The following FTCDNL1 variants were observed in gnomAD, a reference collection of about 807,000 sequenced individuals.
The protein encoded by FTCDNL1 is formiminotransferase cyclodeaminase N-terminal like, also known as formiminotransferase N-terminal subdomain-containing protein.
In FTCDNL1, 11 loss-of-function variants were observed where a neutral mutation model predicts 5.9. That is an observed-to-expected ratio of 1.87 (90% CI 1.18 to 3.10). The LOEUF (loss-of-function observed/expected upper bound fraction) is 3.10, where lower values mean the gene tolerates loss of function less well. Among genes scored for constraint, FTCDNL1 ranks in the 30% most tolerant of loss-of-function variants. FTCDNL1 has a pLI of 0.00. For synonymous variants in FTCDNL1, 58 were observed against 24.8 expected (o/e 2.34, Z -3.99); for missense variants, 115 against 65.5 (o/e 1.76, Z -2.61).
intron 3 of FTCDNL1, among the ~76,000 whole-genome samples, chr2:199,803,205 A>G (rs1038742244): frequency 2.6e-5 from 4 of 151,466 alleles, no homozygotes; most frequent in Middle Eastern, 3.2e-3. Context: ...AAAAAAAAAA[A>G]AAAAAAAGAC....
At chr2:199,760,206 T>TG (rs765484908), downstream of FTCDNL1, among the ~76,000 whole-genome samples, 3 of 131,272 alleles carry the variant, frequency 2.3e-5, no homozygotes, top group East Asian at 6.5e-4. Context: ...AAATCAGAAC[T>TG]AAAAAAAAAA....
chr2:199,664,078 C>A, the FTCDNL1 span, among the ~76,000 whole-genome samples: 1 of 150,606 alleles, frequency 6.6e-6, no homozygotes, highest in South Asian at 2.1e-4. Context: ...AACAAGCCCC[C>A]AGAGCATTAA....
chr2:199,818,403 G>A (rs576234528), intron 4 of FTCDNL1: 2 of 152,136 alleles, frequency 1.3e-5, no homozygotes, highest in South Asian at 4.2e-4. Context: ...TCTTCATAGG[G>A]AAGAAAAAAA....
chr2:199,771,945 G>T (rs563504595), intron 3 of FTCDNL1, among the ~76,000 whole-genome samples: 1 of 152,310 alleles, frequency 6.6e-6, no homozygotes, highest in Non-Finnish European at 1.5e-5. Context: ...CCATGATAAA[G>T]TTTAATTTAT....
chr2:199,701,338 A>C, the FTCDNL1 span, among the ~76,000 whole-genome samples: 8 of 55,242 alleles, frequency 1.4e-4, no homozygotes, highest in African/African-American at 3.9e-4. Context: ...AAAAAAAAAA[A>C]AAAAAAAAAA....
chr2:199,801,582 G>A (rs1454074372), intron 3 of FTCDNL1, among the ~76,000 whole-genome samples: 1 of 152,110 alleles, frequency 6.6e-6, no homozygotes, highest in Non-Finnish European at 1.5e-5. Flanking sequence ...CTTGAGCCTG[G>A]GGATGGAGGT....
At chr2:199,707,246 T>C in the FTCDNL1 span, among the ~76,000 whole-genome samples, 34 of 152,216 alleles carry the variant, frequency 2.2e-4, 1 homozygote, top group African/African-American at 8.2e-4. Context: ...TTATATGTTA[T>C]TAGTAGTTCT....
At chr2:199,676,123 A>G in the FTCDNL1 span, among the ~76,000 whole-genome samples, 1 of 152,176 alleles carries the variant, frequency 6.6e-6, no homozygotes, top group Non-Finnish European at 1.5e-5. Context: ...TAACTCAGTC[A>G]CATATAGCAC....
At chr2:199,731,754 G>A in the FTCDNL1 span, among the ~76,000 whole-genome samples, 1 of 151,584 alleles carries the variant, frequency 6.6e-6, no homozygotes, top group South Asian at 2.1e-4. Context: ...CGGGCGTAGT[G>A]GCGGGCGCCT....
chr2:199,747,764 C>T, the FTCDNL1 span, among the ~76,000 whole-genome samples: 1 of 152,154 alleles, frequency 6.6e-6, no homozygotes, highest in East Asian at 1.9e-4. Flanking sequence ...CAAGAAGTCT[C>T]CATTTTCCAG....
intron 3 of FTCDNL1, among the ~76,000 whole-genome samples, chr2:199,799,225 G>A (rs538362838): frequency 1.3e-5 from 2 of 152,166 alleles, no homozygotes; most frequent in East Asian, 1.9e-4. Flanking sequence ...CTTGGCAATC[G>A]TAAAGCTGAG....
chr2:199,758,929 A>G (rs559152769), downstream of FTCDNL1, among the ~76,000 whole-genome samples: 68 of 152,372 alleles, frequency 4.5e-4, no homozygotes, highest in Non-Finnish European at 1.5e-4. Flanking sequence ...GGCTTACCAT[A>G]TTACAAAAAA....
the FTCDNL1 span, among the ~76,000 whole-genome samples, chr2:199,733,075 G>A: frequency 2.8e-4 from 42 of 152,226 alleles, no homozygotes; most frequent in Middle Eastern, 3.4e-3. Context: ...ACTATTAGAG[G>A]GAAGAACAGA....
At chr2:199,787,718 TG>T (rs1350086040) in intron 3 of FTCDNL1, among the ~76,000 whole-genome samples, 2 of 152,100 alleles carry the variant, frequency 1.3e-5, no homozygotes, top group East Asian at 1.9e-4. Context: ...TGACATTATA[TG>T]GGGGAAAAAA....
At chr2:199,793,763 G>A (rs1574526439) in intron 3 of FTCDNL1, among the ~76,000 whole-genome samples, 3 of 152,082 alleles carry the variant, frequency 2.0e-5, no homozygotes, top group South Asian at 2.1e-4. Flanking sequence ...CCCAGGCCAC[G>A]ACCTAAGACC....
chr2:199,678,982 T>C, the FTCDNL1 span, among the ~76,000 whole-genome samples: 1 of 152,168 alleles, frequency 6.6e-6, no homozygotes, highest in Non-Finnish European at 1.5e-5. Flanking sequence ...TTAAAGATTC[T>C]TGATACACAC....
At chr2:199,802,836 C>G (rs1700525814) in intron 3 of FTCDNL1, among the ~76,000 whole-genome samples, 1 of 152,010 alleles carries the variant, frequency 6.6e-6, no homozygotes, top group African/African-American at 2.4e-5. Context: ...CGCTGACAGT[C>G]CAGGGGAGGA....
the FTCDNL1 span, among the ~76,000 whole-genome samples, chr2:199,685,219 G>C: frequency 6.6e-6 from 1 of 152,074 alleles, no homozygotes; most frequent in Non-Finnish European, 1.5e-5. Context: ...CTGAGACAAG[G>C]GGAAACAGCA....
the FTCDNL1 span, among the ~76,000 whole-genome samples, chr2:199,711,053 A>C: frequency 6.6e-6 from 1 of 152,118 alleles, no homozygotes; most frequent in Admixed American, 6.6e-5. Context: ...TACATGTCAC[A>C]TTAAGAAATA....
Sources: allele counts gnomAD v4.1 joint callset (sites outside exome capture counted in the v4.1 genomes callset), GRCh38; gene constraint gnomAD v4.1.1; transcripts MANE v1.5; gene names NCBI Gene and HGNC (gene_info 2026-07-23, HGNC 2026-07-21).